Variants in GLCE observed in about 807,000 individuals in gnomAD.
The protein encoded by GLCE is D-glucuronyl C5-epimerase.
In GLCE, 19 loss-of-function variants were observed where a neutral mutation model predicts 47.9. The observed-to-expected ratio is 0.40, with a 90% CI of 0.28 to 0.58. The LOEUF is 0.58. Ranked by LOEUF, GLCE falls within the 20% of genes least tolerant of loss-of-function variation. The probability of loss-of-function intolerance (pLI) is 0.48; values close to 1 mark genes in which losing one functional copy is unlikely to be tolerated. For synonymous variants in GLCE, 245 were observed against 263.4 expected (o/e 0.93, Z 0.68); for missense variants, 556 against 743.3 (o/e 0.75, Z 2.93).
intron 1 of GLCE, among the ~76,000 whole-genome samples, chr15:69,170,235 T>C (rs941997510): frequency 1.3e-5 from 2 of 152,158 alleles, no homozygotes; most frequent in African/African-American, 4.8e-5. Context: ...AGTTGAAACA[T>C]TGTAAATTGT....
intron 1 of GLCE, among the ~76,000 whole-genome samples, chr15:69,165,237 C>G (rs964869265): frequency 1.3e-5 from 2 of 152,172 alleles, no homozygotes; most frequent in African/African-American, 4.8e-5. Flanking sequence ...CTGTCTCTCC[C>G]TGCCCTTCTT....
intron 1 of GLCE, among the ~76,000 whole-genome samples, chr15:69,182,882 G>A (rs1328771131): frequency 1.3e-5 from 2 of 152,042 alleles, no homozygotes. Flanking sequence ...GGGTGTGGTG[G>A]TGCGTGCCTG....
chr15:69,207,220 A>C (rs2052164855), intron 1 of GLCE, among the ~76,000 whole-genome samples: 1 of 152,104 alleles, frequency 6.6e-6, no homozygotes, highest in African/African-American at 2.4e-5. Flanking sequence ...CATGGACTGC[A>C]TTCTATCTTA....
intron 1 of GLCE, among the ~76,000 whole-genome samples, chr15:69,206,108 T>C (rs1381413808): frequency 1.3e-5 from 2 of 152,084 alleles, no homozygotes; most frequent in South Asian, 4.1e-4. Context: ...TCTCCTATAG[T>C]CTATGACAGT....
At chr15:69,202,159 A>G (rs1007568712) in intron 1 of GLCE, among the ~76,000 whole-genome samples, 11 of 152,112 alleles carry the variant, frequency 7.2e-5, no homozygotes, top group African/African-American at 1.9e-4. Flanking sequence ...GGCTCAAACT[A>G]TCCTTACACC....
At chr15:69,204,745 C>T (rs942649004) in intron 1 of GLCE, among the ~76,000 whole-genome samples, 4 of 152,010 alleles carry the variant, frequency 2.6e-5, no homozygotes, top group African/African-American at 7.2e-5. Context: ...AAGCAGATGT[C>T]AGGATTTACT....
intron 1 of GLCE, among the ~76,000 whole-genome samples, chr15:69,162,826 C>G (rs1391621732): frequency 1.3e-5 from 2 of 152,188 alleles, no homozygotes; most frequent in South Asian, 4.1e-4. Flanking sequence ...CTCAAGTGAT[C>G]CTTCAGCCTC....
intron 1 of GLCE, among the ~76,000 whole-genome samples, chr15:69,204,869 C>T (rs1264300555): frequency 6.6e-6 from 1 of 151,984 alleles, no homozygotes; most frequent in South Asian, 2.1e-4. Flanking sequence ...TTACATGTCA[C>T]GACTGAGCTA....
intron 2 of GLCE, among the ~76,000 whole-genome samples, chr15:69,233,916 C>T (rs1378134938): frequency 6.6e-6 from 1 of 151,552 alleles, no homozygotes; most frequent in Non-Finnish European, 1.5e-5. Flanking sequence ...GAAGAAAACT[C>T]ATACATACAT....
At chr15:69,240,401 C>T (rs1281906787) in intron 2 of GLCE, among the ~76,000 whole-genome samples, 1 of 151,710 alleles carries the variant, frequency 6.6e-6, no homozygotes, top group African/African-American at 2.4e-5. Flanking sequence ...GGCAAAAGCA[C>T]ATACTCTTGA....
intron 2 of GLCE, among the ~76,000 whole-genome samples, chr15:69,234,388 A>C (rs2052567539): frequency 6.6e-6 from 1 of 152,136 alleles, no homozygotes; most frequent in African/African-American, 2.4e-5. Flanking sequence ...TTTGGGAAGA[A>C]AGACAGAAAG....
rs796272280 is a variant in GLCE at position 69,234,835 on chromosome 15, G to A, written c.-13-20959G>A. On this transcript the variant is annotated intron_variant, in intron 2 of 4. Coordinates refer to ENST00000261858, the MANE Select transcript of GLCE (RefSeq NM_015554.3). ...AAATCTTATTTAATTCACATTTATT[G>A]CTGATAAAATTTATGTTGCCTACCA... Among the ~76,000 whole-genome samples, 41 of 152,178 alleles carry A rather than the reference G, an allele frequency of 2.7e-4. 1 individual carries two copies. The highest frequency in any genetic ancestry group is 9.6e-4 in the African/African-American group (40 of 41,532).
chr15:69,267,162 TATAA>T (rs2053098445), intron 4 of GLCE, among the ~76,000 whole-genome samples: 3 of 152,264 alleles, frequency 2.0e-5, no homozygotes, highest in Admixed American at 2.0e-4. Flanking sequence ...TCATTAATAC[TATAA>T]ATATTCAAGA....
intron 2 of GLCE, among the ~76,000 whole-genome samples, chr15:69,246,552 C>T (rs996739765): frequency 6.6e-6 from 1 of 151,954 alleles, no homozygotes; most frequent in Admixed American, 6.6e-5. Flanking sequence ...CCTGTCTCTA[C>T]TAAAAATATA....
chr15:69,243,204 T>G (rs2052700620), intron 2 of GLCE, among the ~76,000 whole-genome samples: 1 of 152,094 alleles, frequency 6.6e-6, no homozygotes, highest in Admixed American at 6.6e-5. Context: ...CCCAGTAGGC[T>G]TAGAATATGA....
intron 1 of GLCE, among the ~76,000 whole-genome samples, chr15:69,167,823 G>GTTT (rs79073362): frequency 2.9e-5 from 4 of 135,640 alleles, no homozygotes; most frequent in Admixed American, 7.4e-5. Flanking sequence ...CTTGGGAAAA[G>GTTT]TTTTTTTTTT....
intron 1 of GLCE, among the ~76,000 whole-genome samples, chr15:69,162,641 C>T (rs1272848340): frequency 2.0e-5 from 3 of 152,088 alleles, no homozygotes; most frequent in Non-Finnish European, 4.4e-5. Flanking sequence ...ACTGCAGCCT[C>T]GACCTCCAAA....
intron 2 of GLCE, among the ~76,000 whole-genome samples, chr15:69,215,101 A>G (rs2052286807): frequency 6.6e-6 from 1 of 152,134 alleles, no homozygotes; most frequent in Non-Finnish European, 1.5e-5. Context: ...TGTATACAGT[A>G]AAATTCATTC....
intron 1 of GLCE, among the ~76,000 whole-genome samples, chr15:69,189,754 A>T (rs372907363): frequency 6.6e-6 from 1 of 151,898 alleles, no homozygotes; most frequent in African/African-American, 2.4e-5. Flanking sequence ...CCTTCTGTGT[A>T]CTTCCCTTCA....
Sources: gnomAD v4.1 joint callset for allele counts (sites outside exome capture counted in the v4.1 genomes callset) on GRCh38, gnomAD v4.1.1 for gene constraint, MANE v1.5 for transcripts, NCBI Gene and HGNC (gene_info 2026-07-23, HGNC 2026-07-21) for gene names.